The following RAP1GDS1 variants were observed in gnomAD, a reference collection of about 807,000 sequenced individuals.
RAP1GDS1 encodes the protein Rap1 GTPase-GDP dissociation stimulator 1, also known as RAP1, GTP-GDP dissociation stimulator 1.
A neutral mutation model predicts 71.1 loss-of-function variants in RAP1GDS1; 35 were observed. That is an observed-to-expected ratio of 0.49 (90% confidence interval 0.38 to 0.65). RAP1GDS1 has a LOEUF of 0.65. Ranked by LOEUF, RAP1GDS1 falls within the 30% of genes least tolerant of loss-of-function variation. The probability of loss-of-function intolerance (pLI) is 0.00; values close to 1 mark genes in which losing one functional copy is unlikely to be tolerated. For synonymous variants in RAP1GDS1, 229 were observed against 243.1 expected, an observed-to-expected ratio of 0.94 and a Z score of 0.54; for missense variants, 663 against 706.1, an observed-to-expected ratio of 0.94 and a Z score of 0.69.
At chr4:98,419,826 C>G (rs1748554178) in intron 10 of RAP1GDS1, among the ~76,000 whole-genome samples, 193 bp from the exon 11 acceptor site, 1 of 152,150 alleles carries the variant, frequency 6.6e-6, no homozygotes, top group African/African-American at 2.4e-5. Flanking sequence ...TCCGCTTATA[C>G]ACAAATAGGA....
chr4:98,364,560 A>G (rs1479464309), intron 4 of RAP1GDS1, among the ~76,000 whole-genome samples: 4 of 152,166 alleles, frequency 2.6e-5, no homozygotes, highest in Non-Finnish European at 5.9e-5. Flanking sequence ...GTTTTGGAAT[A>G]TGTTTTAAGG....
intron 2 of RAP1GDS1, among the ~76,000 whole-genome samples, chr4:98,332,826 T>C (rs1734188078): frequency 6.6e-6 from 1 of 152,186 alleles, no homozygotes; most frequent in East Asian, 1.9e-4. Context: ...TGTATCAGTG[T>C]ATTTTTAGTA....
chr4:98,430,755 GTATTACA>G (rs1169883133), intron 12 of RAP1GDS1, among the ~76,000 whole-genome samples: 1 of 152,206 alleles, frequency 6.6e-6, no homozygotes, highest in Non-Finnish European at 1.5e-5. Flanking sequence ...AGGTTCAAAT[GTATTACA>G]TTCCTGTAGA....
intron 2 of RAP1GDS1, among the ~76,000 whole-genome samples, chr4:98,300,921 G>C (rs982125978): frequency 3.3e-5 from 5 of 152,000 alleles, no homozygotes; most frequent in Non-Finnish European, 5.9e-5. Flanking sequence ...GCTTTAGTCA[G>C]CTTTATGCAT....
intron 2 of RAP1GDS1, among the ~76,000 whole-genome samples, chr4:98,309,529 A>G (rs1340103762): frequency 6.6e-5 from 10 of 152,026 alleles, no homozygotes; most frequent in Admixed American, 2.0e-4. Context: ...TATTAAATAC[A>G]AAATAGAGAG....
chr4:98,263,564 A>T (rs1578231756), intron 1 of RAP1GDS1, among the ~76,000 whole-genome samples: 1 of 152,230 alleles, frequency 6.6e-6, no homozygotes, highest in East Asian at 1.9e-4. Flanking sequence ...GAAGCTTTTT[A>T]GCACTTACGT....
At chr4:98,341,717 A>AG (rs1162729916) in intron 2 of RAP1GDS1, among the ~76,000 whole-genome samples, 3 of 147,916 alleles carry the variant, frequency 2.0e-5, no homozygotes, top group African/African-American at 5.2e-5. Flanking sequence ...TTTTGCTTAA[A>AG]AAAAAAAAAA....
chr4:98,355,272 T>C (rs1737793139), intron 4 of RAP1GDS1, among the ~76,000 whole-genome samples: 1 of 152,188 alleles, frequency 6.6e-6, no homozygotes. Flanking sequence ...GAAAACTACA[T>C]GATAGCCTTG....
At chr4:98,416,640 G>A (rs1199768750) in intron 7 of RAP1GDS1, 105 bp from the exon 8 acceptor site, 26 of 1,102,894 alleles carry the variant, frequency 2.4e-5, no homozygotes, top group South Asian at 3.8e-5. Context: ...GTGAGCCACC[G>A]CACCTGGCCC....
intron 4 of RAP1GDS1, among the ~76,000 whole-genome samples, chr4:98,358,370 T>C (rs1395549798): frequency 2.0e-5 from 3 of 152,216 alleles, no homozygotes; most frequent in African/African-American, 7.2e-5. Flanking sequence ...CTGAGGACTT[T>C]ACAGAAGGTA....
At chr4:98,358,652 A>G (rs934223850) in intron 4 of RAP1GDS1, among the ~76,000 whole-genome samples, 14 of 152,070 alleles carry the variant, frequency 9.2e-5, no homozygotes, top group African/African-American at 2.7e-4. Context: ...GACTAGCATG[A>G]AAGTGAGTAT....
chr4:98,297,572 G>T (rs1727962901), intron 2 of RAP1GDS1, among the ~76,000 whole-genome samples: 1 of 152,096 alleles, frequency 6.6e-6, no homozygotes, highest in African/African-American at 2.4e-5. Flanking sequence ...TATTGTGATT[G>T]TTTTGGGGTG....
At chr4:98,421,102 G>A (rs1482742940) in intron 11 of RAP1GDS1, among the ~76,000 whole-genome samples, 153 bp from the exon 12 acceptor site, 1 of 152,156 alleles carries the variant, frequency 6.6e-6, no homozygotes, top group African/African-American at 2.4e-5. Flanking sequence ...AAGGCAAATA[G>A]CCCATCACAT....
chr4:98,408,304 T>A (rs1253303528), intron 7 of RAP1GDS1, among the ~76,000 whole-genome samples: 1 of 152,008 alleles, frequency 6.6e-6, no homozygotes, highest in African/African-American at 2.4e-5. Context: ...TTTTTTTATT[T>A]TTATTTTTAG....
intron 2 of RAP1GDS1, among the ~76,000 whole-genome samples, chr4:98,331,607 CAT>C (rs1177478664): frequency 6.6e-6 from 1 of 152,058 alleles, no homozygotes; most frequent in Non-Finnish European, 1.5e-5. Flanking sequence ...TTATCTGTAA[CAT>C]ACACATACAT....
intron 12 of RAP1GDS1, among the ~76,000 whole-genome samples, chr4:98,423,045 A>C (rs1749106889): frequency 6.6e-6 from 1 of 152,262 alleles, no homozygotes; most frequent in African/African-American, 2.4e-5. Flanking sequence ...ATACTAAAAA[A>C]TAGTGTTTCT....
At position 98,442,084 on chromosome 4, in the gene RAP1GDS1, T is replaced by G. The variant is rs1751954034; in HGVS notation, c.1791T>G (p.Ser597=). The change falls in exon 15 of 15, where the codon TCT becomes TCG. Residue 597 remains serine (S), a synonymous_variant. Coordinates refer to ENST00000408927, the MANE Select transcript of RAP1GDS1 (RefSeq NM_001100427.2). ...ACAAAAGTGTTGCCCAGCAGGCCTCTCTCACAGAGCAGAGACTTACTGTGG... is the reference window on the plus strand; with the variant it reads ...ACAAAAGTGTTGCCCAGCAGGCCTCGCTCACAGAGCAGAGACTTACTGTGG... ...HENKSVAQQA[S]LTEQRLTVES is the part of the protein sequence containing the mutation. 1.9e-6 allele frequency: 3 copies of G among 1,613,888 alleles called. 1 individual carries two copies. The highest frequency in any genetic ancestry group is 3.3e-4 in the Middle Eastern group (2 of 6,060).
chr4:98,419,899 G>T (rs1200339732), intron 10 of RAP1GDS1, 120 bp from the exon 11 acceptor site: 22 of 1,081,002 alleles, frequency 2.0e-5, no homozygotes, highest in Non-Finnish European at 2.8e-5. Context: ...TGACAAGATT[G>T]TTTCTAAATG....
chr4:98,414,273 G>A (rs1747569320), intron 7 of RAP1GDS1, among the ~76,000 whole-genome samples: 2 of 143,788 alleles, frequency 1.4e-5, no homozygotes, highest in Non-Finnish European at 3.0e-5. Flanking sequence ...TGGTGTTTTG[G>A]ACATGAAGTC....
Sources: gnomAD v4.1 joint callset for allele counts (sites outside exome capture counted in the v4.1 genomes callset) on GRCh38, gnomAD v4.1.1 for gene constraint, MANE v1.5 for transcripts, NCBI Gene and HGNC (gene_info 2026-07-23, HGNC 2026-07-21) for gene names.